The following NBAS variants were observed in gnomAD, a reference collection of about 807,000 sequenced individuals.
NBAS encodes NBAS subunit of NRZ tethering complex, also known as NAG/BC035112 fusion.
NBAS carries 219 observed loss-of-function variants against 302.5 expected under a neutral mutation model. That is an observed-to-expected ratio of 0.72 (90% CI 0.65 to 0.81). NBAS has a LOEUF of 0.81. Ranked by LOEUF, NBAS falls within the 30% of genes least tolerant of loss-of-function variation. The pLI is 0.00. For synonymous variants in NBAS, 1,118 were observed against 1,021.6 expected (o/e 1.09, Z -1.80); for missense variants, 2,932 against 2,841.6 (o/e 1.03, Z -0.72).
Position 15,467,792 on chromosome 2 carries a change from A to G in NBAS, c.1890T>C (p.Pro630=). The part of the protein sequence containing the change: ...KGADDGRFTL[P]GEIDIDSISY... Reference sequence around the variant, plus strand: ...AGATACTGTCAATGTCTATTTCACCAGGTAATGTAAATCTGCAAGTATAAA... The same window carrying G: ...AGATACTGTCAATGTCTATTTCACCGGGTAATGTAAATCTGCAAGTATAAA... Residue 630 remains proline (P), a synonymous_variant, in exon 18 of 52, where the codon CCT becomes CCC. Transcript: ENST00000281513. 1.3e-6 allele frequency: 2 copies of G among 1,590,482 alleles called. No individual in the cohort carries two copies. Among genetic ancestry groups the G allele is most frequent in the Non-Finnish European group, 1.7e-6 (2 of 1,159,344 alleles).
chr2:15,560,261 A>T (rs987962063), intron 1 of NBAS, among the ~76,000 whole-genome samples: 26 of 152,078 alleles, frequency 1.7e-4, no homozygotes, highest in East Asian at 1.2e-3. Flanking sequence ...ATAATAATAA[A>T]AAATAAAATA....
At chr2:15,096,807 C>CA in the NBAS span, among the ~76,000 whole-genome samples, 3 of 151,922 alleles carry the variant, frequency 2.0e-5, no homozygotes, top group Admixed American at 6.6e-5. Context: ...ACTTCACCCA[C>CA]AAAAAAAATA....
the NBAS span, among the ~76,000 whole-genome samples, chr2:15,085,518 C>A: frequency 1.3e-5 from 2 of 152,144 alleles, no homozygotes; most frequent in African/African-American, 4.8e-5. Flanking sequence ...CAGGCCCAGG[C>A]CCAGCAAGGA....
chr2:15,137,200 GT>G, the NBAS span, among the ~76,000 whole-genome samples: 2 of 152,150 alleles, frequency 1.3e-5, no homozygotes, highest in African/African-American at 4.8e-5. Flanking sequence ...AAATAAATTT[GT>G]TTTTTATAAG....
At chr2:15,069,599 C>A in the NBAS span, among the ~76,000 whole-genome samples, 1 of 151,516 alleles carries the variant, frequency 6.6e-6, no homozygotes. Flanking sequence ...GCAAAAATGG[C>A]AAATGACACT....
chr2:15,000,789 A>G, the NBAS span, among the ~76,000 whole-genome samples: 2 of 152,184 alleles, frequency 1.3e-5, no homozygotes, highest in African/African-American at 2.4e-5. Flanking sequence ...CTCAAGCCCA[A>G]TGACAGTAGT....
In NBAS at chr2:15,292,602, A is replaced by G; in HGVS notation, c.4962T>C (p.Gly1654=). Residue 1654 remains glycine (G), a synonymous_variant, in exon 41 of 52, where the codon GGT becomes GGC. Coordinates refer to ENST00000281513, the MANE Select transcript of NBAS (RefSeq NM_015909.4). Reference sequence around the variant, plus strand: ...CTGCAGTAAACCGCTGCACGTCCACACCCTTCCGAAGGCCCTGAAGGATCT... The same window carrying G: ...CTGCAGTAAACCGCTGCACGTCCACGCCCTTCCGAAGGCCCTGAAGGATCT... The part of the protein sequence containing the change: ...QAQILQGLRK[G]VDVQRFTADD... The G allele has an allele frequency of 6.2e-7, 1 of 1,614,044 alleles. No individual in the cohort carries two copies. Among genetic ancestry groups the G allele is most frequent in the Non-Finnish European group, 8.5e-7 (1 of 1,180,028 alleles).
At chr2:15,534,755 G>T in intron 8 of NBAS, 114 bp from the exon 9 acceptor site, 1 of 839,026 alleles carries the variant, frequency 1.2e-6, no homozygotes, top group Non-Finnish European at 2.0e-6. Context: ...ATATTGCTGA[G>T]GATATAAAAC....
chr2:15,142,986 A>G, the NBAS span, among the ~76,000 whole-genome samples: 1 of 152,222 alleles, frequency 6.6e-6, no homozygotes, highest in Non-Finnish European at 1.5e-5. Context: ...TTGGAACACT[A>G]GCTCTGCAAA....
the NBAS span, among the ~76,000 whole-genome samples, chr2:15,095,846 T>C: frequency 6.6e-6 from 1 of 152,220 alleles, no homozygotes. Flanking sequence ...CCAGTCCAAC[T>C]GTTGTTCTCC....
At chr2:14,848,760 T>TCACTGAC in the NBAS span, among the ~76,000 whole-genome samples, 44 of 151,498 alleles carry the variant, frequency 2.9e-4, no homozygotes, top group African/African-American at 1.0e-3. Flanking sequence ...CTCAAGTGGG[T>TCACTGAC]CCCTGACCCC....
At chr2:15,249,783 C>T (rs773730826) in intron 44 of NBAS, among the ~76,000 whole-genome samples, 1 of 151,992 alleles carries the variant, frequency 6.6e-6, no homozygotes, top group Non-Finnish European at 1.5e-5. Context: ...AGGAGAACTA[C>T]AAACCACTGC....
intron 2 of NBAS, among the ~76,000 whole-genome samples, chr2:15,558,033 T>C (rs916351013): frequency 6.6e-6 from 1 of 152,252 alleles, no homozygotes. Context: ...ACTGACTTTC[T>C]GAGACTCATA....
At chr2:15,149,237 A>T in the NBAS span, among the ~76,000 whole-genome samples, 1 of 151,882 alleles carries the variant, frequency 6.6e-6, no homozygotes, top group Admixed American at 6.6e-5. Flanking sequence ...CTGCTCCCCC[A>T]CTCCATATGC....
chr2:15,308,675 G>A (rs1039772218), intron 39 of NBAS, among the ~76,000 whole-genome samples: 3 of 152,272 alleles, frequency 2.0e-5, no homozygotes, highest in Middle Eastern at 3.4e-3. Context: ...TAATTGCCCT[G>A]GCCAGAACTT....
chr2:15,179,472 G>A lies in NBAS; in HGVS notation c.6712-356C>T, dbSNP rs1572403387. Reference sequence around the variant, plus strand: ...TATTTATAGCTCCTTTGCAGGTTTTGTGTTTTGTGTGTGTGTGTGTGTGAG... The same window carrying A: ...TATTTATAGCTCCTTTGCAGGTTTTATGTTTTGTGTGTGTGTGTGTGTGAG... On this transcript the variant is annotated intron_variant, in intron 50 of 51. Coordinates refer to ENST00000281513, the MANE Select transcript of NBAS (RefSeq NM_015909.4). 8 of 263,578 alleles carry A rather than the reference G, an allele frequency of 3.0e-5. No individual in the cohort carries two copies. The East Asian group carries it at 7.8e-4, about 26-fold the overall frequency. 16.3% of individuals were successfully genotyped at this position (263,578 alleles called of 1,614,324 possible). A position where few individuals can be genotyped will look rare whatever the true frequency, so the allele number is the denominator to read the frequency against.
At chr2:15,240,207 G>A (rs1667797319) in intron 44 of NBAS, among the ~76,000 whole-genome samples, 1 of 152,014 alleles carries the variant, frequency 6.6e-6, no homozygotes, top group Non-Finnish European at 1.5e-5. Flanking sequence ...TGGTCATTCT[G>A]AAAAGCAGGA....
At chr2:15,098,198 AT>A in the NBAS span, among the ~76,000 whole-genome samples, 12 of 2,388 alleles carry the variant, frequency 5.0e-3, 3 homozygotes, top group Non-Finnish European at 8.7e-3. Context: ...AATATATTAT[AT>A]TGTATATAAT....
the NBAS span, among the ~76,000 whole-genome samples, chr2:15,073,025 A>G: frequency 1.3e-5 from 2 of 152,172 alleles, no homozygotes; most frequent in Non-Finnish European, 2.9e-5. Flanking sequence ...GCTACTTGGG[A>G]GGCTGGAGAA....
Sources: gnomAD v4.1 joint callset for allele counts (sites outside exome capture counted in the v4.1 genomes callset) on GRCh38, gnomAD v4.1.1 for gene constraint, MANE v1.5 for transcripts, NCBI Gene and HGNC (gene_info 2026-07-23, HGNC 2026-07-21) for gene names.